JAM3: variants seen among roughly 807,000 people sequenced by gnomAD.
JAM3 encodes the protein junctional adhesion molecule 3, also known as junctional adhesion molecule C.
In JAM3, 31 loss-of-function variants were observed where a neutral mutation model predicts 39.4. The ratio of observed to expected loss-of-function variants is 0.79; its 90% CI spans 0.59 to 1.06. The LOEUF (loss-of-function observed/expected upper bound fraction) is 1.06, where lower values mean the gene tolerates loss of function less well. Ranked by LOEUF, JAM3 falls within the 50% of genes least tolerant of loss-of-function variation. The pLI is 0.00. For synonymous variants in JAM3, 182 were observed against 148.7 expected (o/e 1.22, Z -1.63); for missense variants, 455 against 391.4 (o/e 1.16, Z -1.37).
chr11:134,083,920 T>G (rs1941706430), intron 1 of JAM3, among the ~76,000 whole-genome samples: 1 of 152,200 alleles, frequency 6.6e-6, no homozygotes, highest in Non-Finnish European at 1.5e-5. Context: ...CATCTGCCCT[T>G]TCATAGAGAA....
intron 1 of JAM3, chr11:134,124,011 C>T (rs747294149): frequency 3.4e-5 from 51 of 1,487,092 alleles, no homozygotes; most frequent in Admixed American, 2.9e-4. Context: ...AGGTGCCCTT[C>T]CCAATCCCGC....
chr11:134,113,520 A>T (rs1286216792), intron 1 of JAM3, among the ~76,000 whole-genome samples: 1 of 151,938 alleles, frequency 6.6e-6, no homozygotes, highest in Admixed American at 6.6e-5. Context: ...AAGGACATGA[A>T]CTCATCATCT....
intron 1 of JAM3, among the ~76,000 whole-genome samples, chr11:134,119,720 G>A (rs779239772): frequency 3.3e-5 from 5 of 152,246 alleles, no homozygotes; most frequent in South Asian, 2.1e-4. Context: ...TCATTATGGA[G>A]GGCAGTCTGC....
chr11:134,072,903 TCC>T (rs1941506182), intron 1 of JAM3, among the ~76,000 whole-genome samples: 1 of 152,024 alleles, frequency 6.6e-6, no homozygotes, highest in African/African-American at 2.4e-5. Context: ...AGAGTGAAAC[TCC>T]GTCTTGGGGG....
At chr11:134,108,483 C>A (rs1415129633) in intron 1 of JAM3, among the ~76,000 whole-genome samples, 4 of 152,156 alleles carry the variant, frequency 2.6e-5, no homozygotes, top group African/African-American at 9.7e-5. Flanking sequence ...TACAAGAAAT[C>A]TACAGGCCAA....
intron 8 of JAM3, among the ~76,000 whole-genome samples, 150 bp from the exon 9 acceptor site, chr11:134,148,986 ACACACACACT>A (rs1591811349): frequency 6.7e-6 from 1 of 149,598 alleles, no homozygotes; most frequent in African/African-American, 2.6e-5. Flanking sequence ...ACACACACAC[ACACACACACT>A]AATGGGATTT....
At chr11:134,140,406 G>C (rs900839840) in intron 2 of JAM3, among the ~76,000 whole-genome samples, 1 of 152,118 alleles carries the variant, frequency 6.6e-6, no homozygotes, top group African/African-American at 2.4e-5. Flanking sequence ...CACCGCGCCT[G>C]GCCAAGAAAT....
intron 1 of JAM3, among the ~76,000 whole-genome samples, chr11:134,105,966 A>C (rs1235308358): frequency 6.6e-6 from 1 of 152,246 alleles, no homozygotes; most frequent in Non-Finnish European, 1.5e-5. Flanking sequence ...TCAAGCTACC[A>C]ATGACTTTCT....
intron 1 of JAM3, among the ~76,000 whole-genome samples, chr11:134,099,642 A>G (rs470372): frequency 0.44 from 67,410 of 152,072 alleles, 17,644 homozygotes; most frequent in African/African-American, 0.74. Flanking sequence ...TCGCTCTGTC[A>G]CCCGCCCAGG....
intron 3 of JAM3, among the ~76,000 whole-genome samples, chr11:134,142,696 G>T (rs947562828): frequency 2.0e-5 from 3 of 152,018 alleles, no homozygotes; most frequent in African/African-American, 7.2e-5. Flanking sequence ...ACTCACAGTT[G>T]TGCAACCATC....
chr11:134,123,210 TTTAG>T (rs1293541156), intron 1 of JAM3, among the ~76,000 whole-genome samples: 4 of 148,740 alleles, frequency 2.7e-5, no homozygotes, highest in South Asian at 2.1e-4. Flanking sequence ...CTTTTATTTA[TTTAG>T]TTATTTGTTT....
intron 1 of JAM3, among the ~76,000 whole-genome samples, chr11:134,072,115 G>A (rs1002151439): frequency 1.1e-4 from 16 of 152,148 alleles, no homozygotes; most frequent in African/African-American, 3.9e-4. Flanking sequence ...GTATAAGATG[G>A]CCACATAATG....
chr11:134,087,582 T>A (rs942695065), intron 1 of JAM3, among the ~76,000 whole-genome samples: 1 of 152,194 alleles, frequency 6.6e-6, no homozygotes, highest in Non-Finnish European at 1.5e-5. Flanking sequence ...TTTAAAAACC[T>A]TTCTCTTCTT....
intron 1 of JAM3, among the ~76,000 whole-genome samples, chr11:134,119,678 G>A (rs1942499014): frequency 6.6e-6 from 1 of 152,150 alleles, no homozygotes; most frequent in South Asian, 2.1e-4. Context: ...CAGTCTTTGT[G>A]TTTTATTTAA....
intron 1 of JAM3, among the ~76,000 whole-genome samples, chr11:134,089,356 AGC>A (rs1941801543): frequency 2.0e-5 from 3 of 152,006 alleles, no homozygotes; most frequent in African/African-American, 7.3e-5. Context: ...ACATGTGCAC[AGC>A]ATGCAGGTTA....
At chr11:134,089,916 G>T (rs1192549151) in intron 1 of JAM3, among the ~76,000 whole-genome samples, 1 of 152,178 alleles carries the variant, frequency 6.6e-6, no homozygotes, top group African/African-American at 2.4e-5. Context: ...CTAGTTTACA[G>T]TCCCACCAAC....
At chr11:134,091,765 G>T (rs991713656) in intron 1 of JAM3, among the ~76,000 whole-genome samples, 4 of 151,804 alleles carry the variant, frequency 2.6e-5, no homozygotes, top group African/African-American at 9.7e-5. Context: ...ATAAATGTGT[G>T]CAATGGATGG....
At chr11:134,124,050 G>A in intron 1 of JAM3, 2 of 1,439,336 alleles carry the variant, frequency 1.4e-6, no homozygotes, top group South Asian at 2.3e-5. Context: ...ACAGCCACCT[G>A]GCTCTTCACA....
chr11:134,107,554 C>T lies in JAM3; in HGVS notation c.77-32297C>T, dbSNP rs1002387434. On this transcript the variant is annotated intron_variant, in intron 1 of 8. Coordinates refer to ENST00000299106, the MANE Select transcript of JAM3 (RefSeq NM_032801.5). ...TAAAAATGTGACATCAGAATTAAGA[C>T]TAGGCCACTAAAGCAGTAACTAGGG... Among the ~76,000 whole-genome samples, 8 of 152,128 alleles carry T rather than the reference C, an allele frequency of 5.3e-5. No homozygotes were observed. In the East Asian group the frequency reaches 1.5e-3, roughly 29 times the overall value.
Sources: allele counts gnomAD v4.1 joint callset (sites outside exome capture counted in the v4.1 genomes callset), GRCh38; gene constraint gnomAD v4.1.1; transcripts MANE v1.5; gene names NCBI Gene and HGNC (gene_info 2026-07-23, HGNC 2026-07-21).